Variants in CD163L1 observed in about 807,000 individuals in gnomAD.
The protein encoded by CD163L1 is CD163 molecule like 1.
In CD163L1, 124 loss-of-function variants were observed where a neutral mutation model predicts 165.4. The observed-to-expected ratio is 0.75, with a 90% CI of 0.65 to 0.87. CD163L1 has a LOEUF of 0.87. CD163L1 is among the 40% of genes least tolerant of loss of function. The probability of loss-of-function intolerance (pLI) is 0.00; values close to 1 mark genes in which losing one functional copy is unlikely to be tolerated. For missense variants in CD163L1, 1,525 were observed against 1,799.9 expected (o/e 0.85, Z 2.76); for synonymous variants, 585 against 662.2 (o/e 0.88, Z 1.79).
At chr12:7,333,031 GGAAACCCATCTCACCT>G in the CD163L1 span, among the ~76,000 whole-genome samples, 8 of 152,024 alleles carry the variant, frequency 5.3e-5, no homozygotes, top group Non-Finnish European at 1.2e-4. Context: ...GCTGTATTCA[GGAAACCCATCTCACCT>G]GAAACCCATC....
chr12:7,441,348 G>T, intron 1 of CD163L1, 102 bp from the exon 2 acceptor site: 1 of 814,118 alleles, frequency 1.2e-6, no homozygotes, highest in Non-Finnish European at 2.0e-6. Flanking sequence ...GGAGTAAGAT[G>T]AATTATTCTT....
At chr12:7,411,118 GAA>G (rs1369110456) in intron 4 of CD163L1, among the ~76,000 whole-genome samples, 1 of 151,908 alleles carries the variant, frequency 6.6e-6, no homozygotes, top group African/African-American at 2.4e-5. Context: ...AGAGAAAAGG[GAA>G]AGTCATAAAA....
At position 7,374,648 on chromosome 12, in the gene CD163L1, C is replaced by A. The variant is rs745681157; in HGVS notation, c.3203G>T (p.Ser1068Ile). The A allele has an allele frequency of 3.7e-6, 6 of 1,614,212 alleles. No individual in the cohort carries two copies. In the South Asian group the frequency reaches 6.6e-5, roughly 18 times the overall value. ...GTICDDGWDLSDAHVVCQKLG... is the reference protein window; with the variant it reads ...GTICDDGWDLIDAHVVCQKLG... ...CTTTTGACACACCACGTGGGCATCG[C>A]TCAGGTCCCAGCCGTCATCACAGAT... is the stretch of plus-strand genomic sequence containing the variant. The change falls in exon 13 of 20, where the codon AGC (serine) becomes ATC (isoleucine). Residue 1068 changes from serine (S) to isoleucine (I), a missense_variant. Ser to Ile is a moderately radical substitution (Grantham distance 142, BLOSUM62 -2). Transcript: ENST00000313599. The surrounding 1 kb of genome is among the most constrained non-coding windows in gnomAD (Gnocchi z 5.4).
intron 8 of CD163L1, among the ~76,000 whole-genome samples, chr12:7,395,144 CAT>C (rs1450542010): frequency 2.0e-5 from 3 of 152,208 alleles, no homozygotes; most frequent in East Asian, 1.9e-4. Context: ...TACATGTACA[CAT>C]ATGTTTATTG....
chr12:7,421,159 ATATATATG>A (rs1391910881), intron 4 of CD163L1, among the ~76,000 whole-genome samples: 39 of 135,698 alleles, frequency 2.9e-4, no homozygotes, highest in Admixed American at 6.4e-4. Flanking sequence ...GTATAAATGT[ATATATATG>A]TATATATGTA....
intron 8 of CD163L1, among the ~76,000 whole-genome samples, chr12:7,387,857 T>C (rs1947554224): frequency 6.6e-6 from 1 of 152,168 alleles, no homozygotes; most frequent in Non-Finnish European, 1.5e-5. Context: ...TTGAGGCACA[T>C]CATACTATCT....
intron 4 of CD163L1, among the ~76,000 whole-genome samples, chr12:7,413,530 C>T (rs1948178969): frequency 1.3e-5 from 2 of 152,160 alleles, no homozygotes; most frequent in South Asian, 2.1e-4. Flanking sequence ...CCTGTGGATC[C>T]CTCCGCTAGC....
chr12:7,326,357 A>G, the CD163L1 span, among the ~76,000 whole-genome samples: 1 of 152,128 alleles, frequency 6.6e-6, no homozygotes. Flanking sequence ...GGTGTGCACA[A>G]CTGCACCCTG....
chr12:7,432,434 C>T lies in CD163L1; in HGVS notation c.748G>A (p.Val250Ile), dbSNP rs1374571352. Reference sequence around the variant, plus strand: ...TTCTTACCATAACAAGTTAATGTGACATCCTCATTGTGACTGCAGTCATGA... The same window carrying T: ...TTCTTACCATAACAAGTTAATGTGATATCCTCATTGTGACTGCAGTCATGA... ...GNHDCSHNED[V>I]TLTCYDSSDL... Residue 250 changes from valine (V) to isoleucine (I), a missense_variant, in exon 4 of 20, where the codon GTC becomes ATC. Coordinates refer to ENST00000313599, the MANE Select transcript of CD163L1 (RefSeq NM_174941.6). The surrounding 1 kb of genome is among the most constrained non-coding windows in gnomAD (Gnocchi z 4.2). 1.2e-6 allele frequency: 2 copies of T among 1,612,310 alleles called. No homozygotes were observed. Among genetic ancestry groups the T allele is most frequent in the South Asian group, 2.2e-5 (2 of 90,810 alleles).
intron 4 of CD163L1, among the ~76,000 whole-genome samples, chr12:7,428,521 C>T (rs778080720): frequency 6.6e-6 from 1 of 152,080 alleles, no homozygotes; most frequent in South Asian, 2.1e-4. Flanking sequence ...TCTTTAGTTC[C>T]TTTCTCCACT....
intron 14 of CD163L1, among the ~76,000 whole-genome samples, chr12:7,370,601 C>T (rs188268462): frequency 5.4e-4 from 82 of 152,212 alleles, no homozygotes; most frequent in Admixed American, 3.6e-3. Flanking sequence ...TCTCATCCCC[C>T]GGTCTGATAA....
chr12:7,378,783 G>GC (rs1947323717), intron 9 of CD163L1, among the ~76,000 whole-genome samples, 195 bp downstream of exon 9: 1 of 151,730 alleles, frequency 6.6e-6, no homozygotes, highest in African/African-American at 2.4e-5. Context: ...TCTACTTCAC[G>GC]CAATTTTAAA....
the CD163L1 span, chr12:7,323,641 C>T: frequency 0.033 from 40,918 of 1,243,646 alleles, 824 homozygotes; most frequent in Non-Finnish European, 0.039. Flanking sequence ...GCTATGTAAT[C>T]TTGGGCAAGC....
At chr12:7,422,493 G>A (rs943893700) in intron 4 of CD163L1, among the ~76,000 whole-genome samples, 9 of 151,840 alleles carry the variant, frequency 5.9e-5, no homozygotes, top group African/African-American at 2.2e-4. Context: ...AAACTCCTCT[G>A]AGCTAAAGGA....
intron 2 of CD163L1, among the ~76,000 whole-genome samples, chr12:7,438,163 T>C (rs902158447): frequency 6.6e-6 from 1 of 152,172 alleles, no homozygotes; most frequent in Non-Finnish European, 1.5e-5. Flanking sequence ...TAAATAACTA[T>C]GTATGCACAG....
chr12:7,319,525 G>A, the CD163L1 span, among the ~76,000 whole-genome samples: 3 of 149,842 alleles, frequency 2.0e-5, no homozygotes, highest in South Asian at 2.1e-4. Context: ...GGGAGGCAGA[G>A]GTTGCAGTGA....
chr12:7,327,110 C>T, the CD163L1 span: 7 of 1,584,706 alleles, frequency 4.4e-6, no homozygotes, highest in Non-Finnish European at 5.1e-6. Flanking sequence ...GTGCTTTGCC[C>T]AAAAGTTAAG....
At chr12:7,337,769 A>G in the CD163L1 span, among the ~76,000 whole-genome samples, 1 of 152,234 alleles carries the variant, frequency 6.6e-6, no homozygotes, top group Non-Finnish European at 1.5e-5. Flanking sequence ...CGATTCCTCA[A>G]GGATCTAGAA....
At position 7,374,745 on chromosome 12, in the gene CD163L1, G is replaced by A. The variant is rs1238293020; in HGVS notation, c.3106C>T (p.Leu1036Phe). ...SALICLEDKR[L>F]RLVDGDSRCA... The stretch of plus-strand genomic sequence containing the variant: ...CGGCTGTCCCCATCCACTAGGCGGA[G>A]CCGTTTGTCCTCTTAGAGGAGAAAG... The change falls in exon 13 of 20, where the codon CTC becomes TTC. Residue 1036 changes from leucine (L) to phenylalanine (F), a missense_variant. By Grantham distance (22) the Leu-to-Phe change is conservative. Coordinates refer to ENST00000313599, the MANE Select transcript of CD163L1 (RefSeq NM_174941.6). The surrounding 1 kb of genome is among the most constrained non-coding windows in gnomAD (Gnocchi z 5.4). The A allele has an allele frequency of 6.2e-7, 1 of 1,613,726 alleles. No individual in the cohort carries two copies. Among genetic ancestry groups the A allele is most frequent in the South Asian group, 1.1e-5 (1 of 91,038 alleles).
Sources: allele counts gnomAD v4.1 joint callset (sites outside exome capture counted in the v4.1 genomes callset), GRCh38; gene constraint gnomAD v4.1.1; non-coding constraint Gnocchi (gnomAD v3.1); transcripts MANE v1.5; gene names NCBI Gene and HGNC (gene_info 2026-07-23, HGNC 2026-07-21).